The following BCOR variants were observed in gnomAD, a reference collection of about 807,000 sequenced individuals.
The protein encoded by BCOR is BCL-6 corepressor.
In BCOR, 10 loss-of-function variants were observed where a neutral mutation model predicts 86.7. The ratio of observed to expected loss-of-function variants is 0.12; its 90% confidence interval spans 0.07 to 0.20. The LOEUF is 0.20. BCOR is among the 10% of genes least tolerant of loss of function. The pLI is 1.00. For missense variants in BCOR, 1,259 were observed against 1,452.1 expected, an observed-to-expected ratio of 0.87 and a Z score of 2.16; for synonymous variants, 611 against 609.0, an observed-to-expected ratio of 1.00 and a Z score of -0.05.
At chrX:40,140,160 A>G (rs1478456794) in intron 1 of BCOR, among the ~76,000 whole-genome samples, 1 of 109,479 alleles carries the variant, frequency 9.1e-6, no homozygotes, top group Non-Finnish European at 1.9e-5. Context: ...TGGCTTAAAA[A>G]ATATATATAT....
chrX:40,177,073 T>G (rs1302319136), exon 1 of BCOR: 2 of 108,247 alleles, frequency 1.8e-5, no homozygotes, highest in Non-Finnish European at 3.8e-5. Context: ...AGCCACGGCT[T>G]CTAAGATTTC....
In BCOR at chrX:40,063,671, C is replaced by A. The variant is rs200063877; in HGVS notation, c.3784G>T (p.Ala1262Ser). The change falls in exon 8 of 15, where the codon GCA (alanine) becomes TCA (serine). Residue 1262 changes from alanine (A) to serine (S), a missense_variant. By Grantham distance (99) the Ala-to-Ser change is moderately conservative (BLOSUM62 1). Transcript: ENST00000378444. ...CAGCTTCTGTTGCCTTTGGCCTCTG[C>A]CCTTTTCCTGCCAGGTTTCTCTTCA... Reference protein sequence around the residue: ...ITEEKPGRKRAEAKGNRSWSE... With the variant: ...ITEEKPGRKRSEAKGNRSWSE... 81 of 1,210,139 alleles carry A rather than the reference C, an allele frequency of 6.7e-5. No homozygotes were observed. Among genetic ancestry groups the A allele is most frequent in the Non-Finnish European group, 8.9e-5 (80 of 895,107 alleles).
At chrX:40,160,711 TGGAGTGC>T (rs1938397959) in intron 1 of BCOR, among the ~76,000 whole-genome samples, 2 of 100,780 alleles carry the variant, frequency 2.0e-5, no homozygotes, top group Non-Finnish European at 2.0e-5. Context: ...TCGCCCAGGC[TGGAGTGC>T]AGTGGCACAA....
chrX:40,073,480 T>C lies in BCOR; in HGVS notation c.1866A>G (p.Pro622=), dbSNP rs754438922. The change falls in exon 4 of 15, where the codon CCA becomes CCG. Residue 622 remains proline (P), a synonymous_variant. Coordinates refer to ENST00000378444, the MANE Select transcript of BCOR (RefSeq NM_001123385.2). ...TCTCGTTTGCTTTGAAACTCGGTTC[T>C]GGGTTGCTGGCTTTGGCGCCCTTGC... ...TSSKGAKASN[P]EPSFKANENG... 8.2e-7 allele frequency: 1 copy of C among 1,212,505 alleles called. No homozygotes were observed.
Position 40,162,758 on chromosome X carries a change from C to A in BCOR, c.-41+14249G>T, listed in dbSNP as rs186380715. 2.4e-3 allele frequency among the ~76,000 whole-genome samples: 274 copies of A among 112,056 alleles called. 3 individuals carry two copies. The highest frequency in any genetic ancestry group is 7.7e-3 in the African/African-American group (237 of 30,835). Reference sequence around the variant, plus strand: ...CCATAGAAAATAATAACTGCCAATTCCCAAGCAAAACAAAATCATGTTTTC... The same window carrying A: ...CCATAGAAAATAATAACTGCCAATTACCAAGCAAAACAAAATCATGTTTTC... On this transcript the variant is annotated intron_variant, in intron 1 of 14. Coordinates refer to the BCOR transcript ENST00000342274.
intron 1 of BCOR, among the ~76,000 whole-genome samples, chrX:40,087,898 T>C (rs1936428783): frequency 8.9e-6 from 1 of 112,809 alleles, no homozygotes; most frequent in African/African-American, 3.2e-5. Context: ...GCACTTGTCA[T>C]GTGTTTATGG....
chrX:40,079,231 G>A (rs1231763949), intron 1 of BCOR, among the ~76,000 whole-genome samples: 1 of 112,067 alleles, frequency 8.9e-6, no homozygotes, highest in East Asian at 2.8e-4. Flanking sequence ...CACAGTTTCC[G>A]AAAGCCCAAA....
intron 1 of BCOR, among the ~76,000 whole-genome samples, chrX:40,136,210 G>C (rs1937678315): frequency 8.9e-6 from 1 of 112,274 alleles, no homozygotes; most frequent in African/African-American, 3.2e-5. Context: ...GAAGATGAGG[G>C]ACACGTGGAG....
chrX:40,096,399 A>C (rs1211578353), intron 1 of BCOR, among the ~76,000 whole-genome samples: 1 of 112,528 alleles, frequency 8.9e-6, no homozygotes, highest in Non-Finnish European at 1.9e-5. Context: ...GGAGGGGGAA[A>C]GCGGGAGGGG....
chrX:40,075,334 G>T (rs1001368193), intron 3 of BCOR, among the ~76,000 whole-genome samples, 154 bp from the exon 4 acceptor site: 1 of 109,864 alleles, frequency 9.1e-6, no homozygotes, highest in African/African-American at 3.3e-5. Context: ...TGGGGGGTCT[G>T]TTTCCCCACC....
intron 1 of BCOR, among the ~76,000 whole-genome samples, chrX:40,139,487 ATATATATATATT>A (rs1490293594): frequency 3.2e-4 from 4 of 12,677 alleles, no homozygotes; most frequent in African/African-American, 6.3e-4. Context: ...ATATATATAT[ATATATATATATT>A]TTTTTTTTTT....
At chrX:40,081,156 G>C (rs1477889775) in intron 1 of BCOR, among the ~76,000 whole-genome samples, 1 of 111,579 alleles carries the variant, frequency 9.0e-6, no homozygotes, top group Admixed American at 9.4e-5. Flanking sequence ...ATGGAGAGGA[G>C]TGGAAAGGGC....
upstream of BCOR, among the ~76,000 whole-genome samples, chrX:40,102,459 C>G (rs1937090440): frequency 8.8e-6 from 1 of 113,905 alleles, no homozygotes; most frequent in African/African-American, 3.2e-5. Flanking sequence ...GAGCCCTCGA[C>G]GCCGCCGCGC....
chrX:40,175,453 A>C (rs1476830479), intron 1 of BCOR, among the ~76,000 whole-genome samples: 1 of 113,264 alleles, frequency 8.8e-6, no homozygotes, highest in Non-Finnish European at 1.9e-5. Context: ...GGGAGAAAAA[A>C]TATCGCAACT....
At chrX:40,057,471 A>T (rs1934657194) in intron 10 of BCOR, 150 bp from the exon 11 acceptor site, 1 of 582,912 alleles carries the variant, frequency 1.7e-6, no homozygotes, top group Admixed American at 2.8e-5. Context: ...TGAGGGGGAA[A>T]CACATGTGCG....
At chrX:40,146,280 C>A (rs1273835718) in intron 1 of BCOR, among the ~76,000 whole-genome samples, 1 of 111,796 alleles carries the variant, frequency 8.9e-6, no homozygotes, top group Admixed American at 9.3e-5. Context: ...TGCCTCCCCC[C>A]ACGGCCCTGA....
intron 1 of BCOR, among the ~76,000 whole-genome samples, chrX:40,083,466 C>T (rs1191994714): frequency 8.9e-6 from 1 of 112,467 alleles, no homozygotes; most frequent in Non-Finnish European, 1.9e-5. Context: ...GAAGGGGAAA[C>T]TCGCCGGCCC....
At chrX:40,154,027 G>C (rs1051178590) in intron 1 of BCOR, among the ~76,000 whole-genome samples, 1 of 111,813 alleles carries the variant, frequency 8.9e-6, no homozygotes, top group Non-Finnish European at 1.9e-5. Flanking sequence ...GTGGCGGCTC[G>C]GGCCCGCCGC....
At chrX:40,136,887 C>T (rs1274626521) in intron 1 of BCOR, among the ~76,000 whole-genome samples, 2 of 112,366 alleles carry the variant, frequency 1.8e-5, no homozygotes, top group Non-Finnish European at 3.8e-5. Flanking sequence ...TCTTCTTCCC[C>T]AAAGAGCCAG....
Sources: gnomAD v4.1 joint callset for allele counts (sites outside exome capture counted in the v4.1 genomes callset) on GRCh38, gnomAD v4.1.1 for gene constraint, MANE v1.5 for transcripts, NCBI Gene and HGNC (gene_info 2026-07-23, HGNC 2026-07-21) for gene names.